ENTREP2: variants seen among roughly 807,000 people sequenced by gnomAD.
ENTREP2 encodes endosomal transmembrane epsin interactor 2.
the ENTREP2 span, among the ~76,000 whole-genome samples, chr15:29,644,556 A>G: frequency 1.3e-5 from 2 of 152,180 alleles, no homozygotes; most frequent in African/African-American, 4.8e-5. Context: ...TAATCCTAGC[A>G]CTTTGGGAGG....
the ENTREP2 span, among the ~76,000 whole-genome samples, chr15:29,139,526 A>G: frequency 6.6e-6 from 1 of 152,248 alleles, no homozygotes; most frequent in Non-Finnish European, 1.5e-5. Context: ...ATACCCAAGC[A>G]AAACTAATGA....
the ENTREP2 span, among the ~76,000 whole-genome samples, chr15:29,308,704 A>T: frequency 1.3e-5 from 2 of 152,306 alleles, no homozygotes; most frequent in East Asian, 3.9e-4. Context: ...TTTTAGAATG[A>T]CGTTGAAGAT....
the ENTREP2 span, among the ~76,000 whole-genome samples, chr15:29,284,178 C>T: frequency 4.6e-5 from 7 of 152,304 alleles, no homozygotes; most frequent in Non-Finnish European, 8.8e-5. Flanking sequence ...AATTTAGACA[C>T]ATCCTTACAA....
chr15:29,565,688 G>A, the ENTREP2 span, among the ~76,000 whole-genome samples: 1 of 152,188 alleles, frequency 6.6e-6, no homozygotes, highest in Non-Finnish European at 1.5e-5. Flanking sequence ...TTCCGGCCGG[G>A]TGCGGTGGCT....
the ENTREP2 span, among the ~76,000 whole-genome samples, chr15:29,485,560 A>G: frequency 5.3e-5 from 8 of 152,224 alleles, no homozygotes; most frequent in Admixed American, 2.6e-4. Flanking sequence ...GAAGATTACC[A>G]TTGAGGCACA....
chr15:29,567,690 A>G, the ENTREP2 span, among the ~76,000 whole-genome samples: 2 of 152,196 alleles, frequency 1.3e-5, no homozygotes, highest in East Asian at 3.9e-4. Flanking sequence ...GAGCACCAGC[A>G]GGCAGAGGCC....
the ENTREP2 span, among the ~76,000 whole-genome samples, chr15:29,390,728 C>T: frequency 2.0e-5 from 3 of 152,172 alleles, no homozygotes; most frequent in Non-Finnish European, 4.4e-5. Flanking sequence ...AAATCTTGTC[C>T]TCTAACACTG....
the ENTREP2 span, among the ~76,000 whole-genome samples, chr15:29,469,996 C>A: frequency 6.6e-6 from 1 of 152,178 alleles, no homozygotes; most frequent in African/African-American, 2.4e-5. Flanking sequence ...GAGCTAAAAG[C>A]ACTGATTTTT....
chr15:29,397,350 C>T, the ENTREP2 span, among the ~76,000 whole-genome samples: 3 of 152,122 alleles, frequency 2.0e-5, no homozygotes, highest in Non-Finnish European at 2.9e-5. Context: ...GAGATTGTGC[C>T]ACTGCACTCC....
the ENTREP2 span, among the ~76,000 whole-genome samples, chr15:29,416,236 A>T: frequency 6.6e-6 from 1 of 152,198 alleles, no homozygotes; most frequent in Non-Finnish European, 1.5e-5. Flanking sequence ...ACGCTACCTG[A>T]CTTCAAACTA....
the ENTREP2 span, chr15:29,123,187 G>C: frequency 2.5e-5 from 20 of 791,498 alleles, no homozygotes; most frequent in African/African-American, 2.4e-4. Context: ...ACAGTTCCCT[G>C]CCCACACCGC....
At chr15:29,290,486 T>A in the ENTREP2 span, among the ~76,000 whole-genome samples, 1 of 152,364 alleles carries the variant, frequency 6.6e-6, no homozygotes, top group South Asian at 2.1e-4. Flanking sequence ...AACACTCACC[T>A]GCATCTGGTA....
the ENTREP2 span, among the ~76,000 whole-genome samples, chr15:29,418,538 C>T: frequency 1.3e-5 from 2 of 152,174 alleles, no homozygotes; most frequent in South Asian, 4.1e-4. Context: ...TAGGGGAATA[C>T]AGTTATATGT....
the ENTREP2 span, among the ~76,000 whole-genome samples, chr15:29,132,052 C>A: frequency 6.6e-6 from 1 of 152,148 alleles, no homozygotes; most frequent in African/African-American, 2.4e-5. Flanking sequence ...CCCAGCACAC[C>A]CCCTGCCCCG....
the ENTREP2 span, among the ~76,000 whole-genome samples, chr15:29,492,155 T>C: frequency 2.2e-4 from 34 of 152,116 alleles, no homozygotes; most frequent in Middle Eastern, 3.4e-3. Context: ...GGCTGTACCA[T>C]AGACATCCCC....
chr15:29,312,009 GA>G, the ENTREP2 span, among the ~76,000 whole-genome samples: 2 of 152,246 alleles, frequency 1.3e-5, no homozygotes, highest in East Asian at 3.9e-4. Flanking sequence ...ATTCCTATGA[GA>G]AACAACAAAA....
chr15:29,468,994 G>C, the ENTREP2 span, among the ~76,000 whole-genome samples: 1 of 152,150 alleles, frequency 6.6e-6, no homozygotes, highest in African/African-American at 2.4e-5. Context: ...GCCAAATGCA[G>C]TGGCCTTTCT....
chr15:29,254,372 T>C, the ENTREP2 span, among the ~76,000 whole-genome samples: 1 of 152,176 alleles, frequency 6.6e-6, no homozygotes, highest in Non-Finnish European at 1.5e-5. Flanking sequence ...TTTTGTCCAG[T>C]AGAACGTAAC....
At chr15:29,146,808 G>A in the ENTREP2 span, among the ~76,000 whole-genome samples, 5,518 of 152,152 alleles carry the variant, frequency 0.036, 315 homozygotes, top group African/African-American at 0.12. Flanking sequence ...GGTGGCACAC[G>A]CTTGTAATCT....
Sources: gnomAD v4.1 joint callset for allele counts (sites outside exome capture counted in the v4.1 genomes callset) on GRCh38, gnomAD v4.1.1 for gene constraint, MANE v1.5 for transcripts, NCBI Gene and HGNC (gene_info 2026-07-23, HGNC 2026-07-21) for gene names.